F2RL3: variants seen among roughly 807,000 people sequenced by gnomAD.
F2RL3 encodes the protein proteinase-activated receptor 4.
A neutral mutation model predicts 4.9 loss-of-function variants in F2RL3; 3 were observed. The ratio of observed to expected loss-of-function variants is 0.61; its 90% CI spans 0.28 to 1.58. The LOEUF is 1.58. Ranked by LOEUF, F2RL3 falls within the 40% of genes most tolerant of loss-of-function variation. The pLI, the probability that F2RL3 is intolerant of heterozygous loss-of-function variation, is 0.11. For missense variants in F2RL3, 564 were observed against 550.4 expected (o/e 1.02, Z -0.25); for synonymous variants, 284 against 278.4 (o/e 1.02, Z -0.20).
At position 16,891,305 on chromosome 19, in the gene F2RL3, C is replaced by G. The variant is rs1422750788; in HGVS notation, c.*684C>G. ...AGGCATTGTGGCATGCGCCTATAGT[C>G]CCAGCCACTCAAGAGGCACAGGCGG... On this transcript the variant is annotated 3_prime_UTR_variant, in exon 2 of 2. Transcript: ENST00000248076. 2.6e-5 allele frequency: 4 copies of G among 152,096 alleles called. No individual in the cohort carries two copies. The highest frequency in any genetic ancestry group is 9.7e-5 in the African/African-American group (4 of 41,360). The allele number at this position is 152,096 out of a possible 1,614,324, so 9.4% of individuals were successfully genotyped here.
At chr19:16,889,449 C>T in intron 1 of F2RL3, 124 bp from the exon 2 acceptor site, 4 of 1,184,248 alleles carry the variant, frequency 3.4e-6, no homozygotes, top group South Asian at 1.4e-5. Flanking sequence ...CTGGGCTATT[C>T]CCTTGAGTGT....
In F2RL3 at chr19:16,891,262, A is replaced by C. The variant is rs1384780926; in HGVS notation, c.*641A>C. 3 of 152,030 alleles carry C rather than the reference A, an allele frequency of 2.0e-5. No homozygotes were observed. The highest frequency in any genetic ancestry group is 7.3e-5 in the African/African-American group (3 of 41,348). 9.4% of individuals were successfully genotyped at this position (152,030 alleles called of 1,614,324 possible). The stretch of plus-strand genomic sequence containing the variant: ...GGGGGATCCCATCTCTACACACAAA[A>C]AAATTTTTTAATGAACCAGGCATTG... On this transcript the variant is annotated 3_prime_UTR_variant, in exon 2 of 2. Coordinates refer to ENST00000248076, the MANE Select transcript of F2RL3 (RefSeq NM_003950.4).
At position 16,889,160 on chromosome 19, in the gene F2RL3, G is replaced by A; in HGVS notation, c.-30G>A. The stretch of plus-strand genomic sequence containing the variant: ...GGTCCGGCGAGGCAGGAAGCCTGAG[G>A]CCACAGCCCAGAGCAGCCTGAGTGC... On this transcript the variant is annotated 5_prime_UTR_variant, in exon 1 of 2. Transcript: ENST00000248076. 7.0e-7 allele frequency: 1 copy of A among 1,436,598 alleles called. No individual in the cohort carries two copies. The highest frequency in any genetic ancestry group is 9.2e-7 in the Non-Finnish European group (1 of 1,082,042). The allele number at this position is 1,436,598 out of a possible 1,614,324, so 89.0% of individuals were successfully genotyped here. A position where few individuals can be genotyped will look rare whatever the true frequency, so the allele number is the denominator to read the frequency against.
rs778390000 is a variant in F2RL3, at chr19:16,889,543, G to C, written c.110-30G>C. ...TGCTTCTCGTCACCTGCCGAGGCAG[G>C]GGCTGACTGAGGTCCCCTCTCTCTC... On this transcript the variant is annotated intron_variant, in intron 1 of 1. Coordinates refer to ENST00000248076, the MANE Select transcript of F2RL3 (RefSeq NM_003950.4). 4.6e-6 allele frequency: 7 copies of C among 1,530,618 alleles called. No homozygotes were observed. In the Admixed American group the frequency reaches 5.7e-5, roughly 13 times the overall value. 94.8% of individuals were successfully genotyped at this position (1,530,618 alleles called of 1,614,324 possible).
chr19:16,889,400 G>A, intron 1 of F2RL3, 102 bp downstream of exon 1: 1 of 1,229,832 alleles, frequency 8.1e-7, no homozygotes, highest in South Asian at 1.4e-5. Flanking sequence ...GCGGGCTTCA[G>A]CCCAGCCCAC....
rs377624120 is a variant in F2RL3 at position 16,889,624 on chromosome 19, G to C, written c.161G>C (p.Cys54Ser). The C allele has an allele frequency of 5.0e-6, 8 of 1,606,444 alleles. No homozygotes were observed. In the African/African-American group the frequency reaches 1.1e-4, roughly 21 times the overall value. ...PAPRGYPGQVCANDSDTLELP... is the reference protein window; with the variant it reads ...PAPRGYPGQVSANDSDTLELP... ...CCCCGCGGCTACCCAGGCCAAGTCT[G>C]TGCCAATGACAGTGACACCCTGGAG... The change falls in exon 2 of 2, where the codon TGT becomes TCT. Residue 54 changes from cysteine to serine, a missense_variant. By Grantham distance (112) the Cys-to-Ser change is moderately radical (BLOSUM62 -1). Coordinates refer to ENST00000248076, the MANE Select transcript of F2RL3 (RefSeq NM_003950.4).
chr19:16,890,052 T>C lies in F2RL3; in HGVS notation c.589T>C (p.Cys197Arg). ...LRGRRLALGL[C>R]MAAWLMAAAL... is the part of the protein sequence containing the mutation. ...TGGCCGGCGCCTGGCCCTTGGACTC[T>C]GCATGGCTGCTTGGCTCATGGCGGC... The change falls in exon 2 of 2, where the codon TGC (cysteine) becomes CGC (arginine). Residue 197 changes from cysteine (C) to arginine (R), a missense_variant. Cys to Arg is a radical substitution (Grantham distance 180). Transcript: ENST00000248076. 1 of 1,598,940 alleles carries C rather than the reference T, an allele frequency of 6.3e-7. No homozygotes were observed. The highest frequency in any genetic ancestry group is 8.5e-7 in the Non-Finnish European group (1 of 1,178,978).
At position 16,889,880 on chromosome 19, in the gene F2RL3, C is replaced by G; in HGVS notation, c.417C>G (p.Gly139=). The G allele has an allele frequency of 6.3e-7, 1 of 1,587,112 alleles. No individual in the cohort carries two copies. The highest frequency in any genetic ancestry group is 8.5e-7 in the Non-Finnish European group (1 of 1,172,868). The change falls in exon 2 of 2, where the codon GGC becomes GGG. Residue 139 remains glycine (G), a synonymous_variant. Coordinates refer to ENST00000248076, the MANE Select transcript of F2RL3 (RefSeq NM_003950.4). ...CGCGGATCGCCTACCACCTGCGTGG[C>G]CAGCGCTGGCCCTTCGGGGAGGCCG... ...LPPRIAYHLR[G]QRWPFGEAAC... is the part of the protein sequence containing the mutation.
rs778300088 is a variant in F2RL3, at chr19:16,890,266, T to C, written c.803T>C (p.Leu268Pro). The C allele has an allele frequency of 2.6e-6, 4 of 1,561,782 alleles. No individual in the cohort carries two copies. In the African/African-American group the frequency reaches 5.4e-5, roughly 21 times the overall value. The stretch of plus-strand genomic sequence containing the variant: ...ATGCTGCTGTGCTACGGGGCCACCC[T>C]GCACACGCTGGCGGCCAGCGGCCGG... ...LAMLLCYGAT[L>P]HTLAASGRRY... Residue 268 changes from leucine to proline, a missense_variant, in exon 2 of 2, where the codon CTG becomes CCG. Leu to Pro is a moderately conservative substitution (Grantham distance 98, BLOSUM62 -3). Coordinates refer to ENST00000248076, the MANE Select transcript of F2RL3 (RefSeq NM_003950.4).
rs376870417 is a variant in F2RL3 at position 16,890,285 on chromosome 19, C to A, written c.822C>A (p.Ser274Arg). 2.6e-6 allele frequency: 4 copies of A among 1,557,734 alleles called. No homozygotes were observed. The South Asian group carries it at 4.6e-5, about 18-fold the overall frequency. The part of the protein sequence containing the change: ...YGATLHTLAA[S>R]GRRYGHALRL... ...CCACCCTGCACACGCTGGCGGCCAG[C>A]GGCCGGCGCTACGGCCACGCGCTGA... is the stretch of plus-strand genomic sequence containing the variant. The change falls in exon 2 of 2, where the codon AGC becomes AGA. Residue 274 changes from serine (S) to arginine (R), a missense_variant. Transcript: ENST00000248076.
In F2RL3 at chr19:16,890,623, A is replaced by G. The variant is rs1322601426; in HGVS notation, c.*2A>G. On this transcript the variant is annotated 3_prime_UTR_variant, in exon 2 of 2. Coordinates refer to ENST00000248076, the MANE Select transcript of F2RL3 (RefSeq NM_003950.4). ...ACCCACTCCTCTTTGCTCCAGTGAC[A>G]CAAAGTGGGGAAGGCTGTACTGGGT... 3 of 1,556,364 alleles carry G rather than the reference A, an allele frequency of 1.9e-6. No individual in the cohort carries two copies. Among genetic ancestry groups the G allele is most frequent in the African/African-American group, 2.7e-5 (2 of 74,318 alleles).
chr19:16,890,471 T>C lies in F2RL3; in HGVS notation c.1008T>C (p.Asp336=). The stretch of plus-strand genomic sequence containing the variant: ...TGAGCACCCTCAACAGCTGCGTGGA[T>C]CCCTTCATCTACTACTACGTGTCGG... ...LALSTLNSCV[D]PFIYYYVSAE... Residue 336 remains aspartate, a synonymous_variant, in exon 2 of 2, where the codon GAT becomes GAC. Transcript: ENST00000248076. 6.2e-7 allele frequency: 1 copy of C among 1,612,884 alleles called. No homozygotes were observed. Among genetic ancestry groups the C allele is most frequent in the Non-Finnish European group, 8.5e-7 (1 of 1,179,956 alleles).
chr19:16,890,097 A>C lies in F2RL3; in HGVS notation c.634A>C (p.Thr212Pro). 6.3e-7 allele frequency: 1 copy of C among 1,597,794 alleles called. No homozygotes were observed. Among genetic ancestry groups the C allele is most frequent in the Non-Finnish European group, 8.5e-7 (1 of 1,179,064 alleles). Residue 212 changes from threonine to proline, a missense_variant, in exon 2 of 2, where the codon ACA (threonine) becomes CCA (proline). By Grantham distance (38) the Thr-to-Pro change is conservative. Transcript: ENST00000248076. ...LMAAALALPL[T>P]LQRQTFRLAR... ...GGCGGCCGCCCTGGCACTGCCCCTG[A>C]CACTGCAGCGGCAGACCTTCCGGCT...
chr19:16,889,827 G>A lies in F2RL3; in HGVS notation c.364G>A (p.Asp122Asn), dbSNP rs1451124365. ...GCTGCTGATGAACCTCGCGGCTGCT[G>A]ACCTCCTGCTGGCCCTGGCGCTGCC... The part of the protein sequence containing the change: ...TMLLMNLAAA[D>N]LLLALALPPR... Residue 122 changes from aspartate to asparagine, a missense_variant, in exon 2 of 2, where the codon GAC becomes AAC. Coordinates refer to ENST00000248076, the MANE Select transcript of F2RL3 (RefSeq NM_003950.4). 9 of 1,598,230 alleles carry A rather than the reference G, an allele frequency of 5.6e-6. No homozygotes were observed. In the Admixed American group the frequency reaches 1.0e-4, roughly 18 times the overall value.
rs745322903 is a variant in F2RL3 at position 16,889,846 on chromosome 19, C to A, written c.383C>A (p.Ala128Glu). The A allele has an allele frequency of 1.3e-6, 2 of 1,596,226 alleles. No individual in the cohort carries two copies. Among genetic ancestry groups the A allele is most frequent in the Admixed American group, 1.7e-5 (1 of 59,350 alleles). Residue 128 changes from alanine (A) to glutamate (E), a missense_variant, in exon 2 of 2, where the codon GCG becomes GAG. Ala to Glu is a moderately radical substitution (Grantham distance 107). Transcript: ENST00000248076. Reference protein sequence around the residue: ...LAAADLLLALALPPRIAYHLR... With the variant: ...LAAADLLLALELPPRIAYHLR... ...GCTGCTGACCTCCTGCTGGCCCTGGCGCTGCCCCCGCGGATCGCCTACCAC... is the reference window on the plus strand; with the variant it reads ...GCTGCTGACCTCCTGCTGGCCCTGGAGCTGCCCCCGCGGATCGCCTACCAC...
In F2RL3 at chr19:16,889,555, G is replaced by A. The variant is rs899121212; in HGVS notation, c.110-18G>A. 6.5e-7 allele frequency: 1 copy of A among 1,539,894 alleles called. No individual in the cohort carries two copies. The highest frequency in any genetic ancestry group is 1.4e-5 in the African/African-American group (1 of 73,468). Reference sequence around the variant, plus strand: ...CCTGCCGAGGCAGGGGCTGACTGAGGTCCCCTCTCTCTCCCAGACAGCACG... The same window carrying A: ...CCTGCCGAGGCAGGGGCTGACTGAGATCCCCTCTCTCTCCCAGACAGCACG... On this transcript the variant is annotated intron_variant, in intron 1 of 1. Coordinates refer to ENST00000248076, the MANE Select transcript of F2RL3 (RefSeq NM_003950.4).
Position 16,890,593 on chromosome 19 carries a change from T to A in F2RL3, c.1130T>A (p.Met377Lys). 2 of 1,582,508 alleles carry A rather than the reference T, an allele frequency of 1.3e-6. No individual in the cohort carries two copies. Among genetic ancestry groups the A allele is most frequent in the Non-Finnish European group, 1.7e-6 (2 of 1,166,896 alleles). ...KASAEGGSRG[M>K]GTHSSLLQ is the part of the protein sequence containing the mutation. ...TCTGCGGAAGGGGGCAGCCGGGGCA[T>A]GGGCACCCACTCCTCTTTGCTCCAG... Residue 377 changes from methionine to lysine, a missense_variant, in exon 2 of 2, where the codon ATG (methionine) becomes AAG (lysine). Coordinates refer to ENST00000248076, the MANE Select transcript of F2RL3 (RefSeq NM_003950.4).
Position 16,892,399 on chromosome 19 carries a change from CCT to C in F2RL3, c.*1779_*1780del, listed in dbSNP as rs1425513345. The C allele has an allele frequency of 3.9e-5, 6 of 153,482 alleles. No homozygotes were observed. Among genetic ancestry groups the C allele is most frequent in the African/African-American group, 1.4e-4 (6 of 41,456 alleles). 9.5% of individuals were successfully genotyped at this position (153,482 alleles called of 1,614,324 possible). A position where few individuals can be genotyped will look rare whatever the true frequency, so the allele number is the denominator to read the frequency against. ...AGCACGGCTCAGCCTCCTGCTATCCCCTGACTGCTGGGGACCCTCGCCTTCCC... is the reference window on the plus strand; with the variant it reads ...AGCACGGCTCAGCCTCCTGCTATCCCGACTGCTGGGGACCCTCGCCTTCCC... On this transcript the variant is annotated 3_prime_UTR_variant, in exon 2 of 2. Coordinates refer to ENST00000248076, the MANE Select transcript of F2RL3 (RefSeq NM_003950.4).
At position 16,889,574 on chromosome 19, in the gene F2RL3, C is replaced by T; in HGVS notation, c.111C>T (p.Asp37=). ...DESGSTGGGD[D]STPSILPAPR... ...ACTGAGGTCCCCTCTCTCTCCCAGA[C>T]AGCACGCCCTCAATCCTGCCTGCCC... The change falls in exon 2 of 2, where the codon GAC becomes GAT. Residue 37 remains aspartate (D), a splice_region_variant and synonymous_variant. Coordinates refer to ENST00000248076, the MANE Select transcript of F2RL3 (RefSeq NM_003950.4). 1.3e-6 allele frequency: 2 copies of T among 1,566,994 alleles called. No individual in the cohort carries two copies.
Sources: allele counts gnomAD v4.1 joint callset, GRCh38; gene constraint gnomAD v4.1.1; transcripts MANE v1.5; gene names NCBI Gene and HGNC (gene_info 2026-07-23, HGNC 2026-07-21).